Variants in COLGALT2 observed in about 807,000 individuals in gnomAD.
COLGALT2 encodes the protein collagen beta(1-O)galactosyltransferase 2.
Under a neutral mutation model 73.4 loss-of-function variants are expected in COLGALT2, and 49 were observed. The ratio of observed to expected loss-of-function variants is 0.67; its 90% CI spans 0.53 to 0.85. The LOEUF (loss-of-function observed/expected upper bound fraction) is 0.85, where lower values mean the gene tolerates loss of function less well. COLGALT2 is among the 40% of genes least tolerant of loss of function. The pLI, the probability that COLGALT2 is intolerant of heterozygous loss-of-function variation, is 0.00. For missense variants in COLGALT2, 722 were observed against 790.2 expected (o/e 0.91, Z 1.03); for synonymous variants, 295 against 307.6 (o/e 0.96, Z 0.43).
intron 8 of COLGALT2, among the ~76,000 whole-genome samples, chr1:183,950,216 G>A (rs1308563956): frequency 6.6e-6 from 1 of 152,144 alleles, no homozygotes; most frequent in Non-Finnish European, 1.5e-5. Flanking sequence ...GGGACTGAGG[G>A]AGCTGTCCCC....
intron 4 of COLGALT2, 131 bp from the exon 5 acceptor site, chr1:183,969,604 T>G: frequency 1.5e-6 from 1 of 646,068 alleles, no homozygotes; most frequent in Non-Finnish European, 2.5e-6. Flanking sequence ...CCACCTTCAC[T>G]CCTCTTATCA....
intron 1 of COLGALT2, among the ~76,000 whole-genome samples, chr1:184,035,917 C>T (rs1430595205): frequency 6.6e-6 from 1 of 152,222 alleles, no homozygotes; most frequent in East Asian, 1.9e-4. Flanking sequence ...TACTATATCA[C>T]ATGTTTGCTT....
At chr1:183,969,185 T>TTC (rs1324960352) in intron 5 of COLGALT2, 84 bp downstream of exon 5, 38 of 1,242,040 alleles carry the variant, frequency 3.1e-5, no homozygotes, top group Non-Finnish European at 7.7e-6. Context: ...GAGGGTTTTT[T>TTC]TTTTTAATAA....
At chr1:183,961,334 C>G (rs2148673) in intron 6 of COLGALT2, among the ~76,000 whole-genome samples, 6 of 151,874 alleles carry the variant, frequency 4.0e-5, no homozygotes, top group Admixed American at 3.9e-4. Context: ...ATTGATGACA[C>G]GTGCATTTCT....
intron 1 of COLGALT2, among the ~76,000 whole-genome samples, chr1:184,019,044 C>G (rs1385992203): frequency 6.6e-6 from 1 of 152,128 alleles, no homozygotes; most frequent in Admixed American, 6.6e-5. Context: ...TTCTCATGGT[C>G]CCTAAAAATG....
chr1:183,959,808 G>A (rs1317769674), intron 6 of COLGALT2, among the ~76,000 whole-genome samples: 1 of 152,094 alleles, frequency 6.6e-6, no homozygotes, highest in Non-Finnish European at 1.5e-5. Flanking sequence ...GTGTGATCTG[G>A]ACATTTCTTC....
chr1:184,028,266 A>G (rs191803646), intron 1 of COLGALT2, among the ~76,000 whole-genome samples: 1 of 152,278 alleles, frequency 6.6e-6, no homozygotes, highest in Admixed American at 6.5e-5. Context: ...GTCTCTAGAA[A>G]ATTCTACCTT....
At chr1:184,012,153 C>T (rs1004263889) in intron 1 of COLGALT2, among the ~76,000 whole-genome samples, 3 of 152,210 alleles carry the variant, frequency 2.0e-5, no homozygotes, top group Admixed American at 2.0e-4. Context: ...CACAACCCTG[C>T]ATTTCTGCTG....
At chr1:183,994,273 C>T (rs1478875005) in intron 1 of COLGALT2, among the ~76,000 whole-genome samples, 1 of 151,816 alleles carries the variant, frequency 6.6e-6, no homozygotes, top group African/African-American at 2.4e-5. Flanking sequence ...CTCCTGACCT[C>T]GTGATCCACC....
intron 1 of COLGALT2, among the ~76,000 whole-genome samples, chr1:184,024,767 T>C (rs1027155046): frequency 6.6e-6 from 1 of 151,696 alleles, no homozygotes; most frequent in African/African-American, 2.4e-5. Flanking sequence ...TGTTGGATGA[T>C]TGGACCAAGC....
In COLGALT2 at chr1:183,977,841, G is replaced by GAGAGAA. The variant is rs1558322952; in HGVS notation, c.374+568_374+569insTTCTCT. On this transcript the variant is annotated intron_variant, in intron 2 of 11. Coordinates refer to ENST00000361927, the MANE Select transcript of COLGALT2 (RefSeq NM_015101.4). ...GAGAGAGAGAGAGAGAGAGAAAGAA[G>GAGAGAA]AGAAGAGAAGCGAAGAAAAGAAAAG... Among the ~76,000 whole-genome samples the GAGAGAA allele has an allele frequency of 1.4e-3, 193 of 133,946 alleles. 1 individual carries two copies. The highest frequency in any genetic ancestry group is 5.6e-3 in the African/African-American group (186 of 32,970). 87.9% of individuals were successfully genotyped at this position (133,946 alleles called of 152,430 possible).
At chr1:183,950,637 A>C (rs935040867) in intron 8 of COLGALT2, among the ~76,000 whole-genome samples, 6 of 152,080 alleles carry the variant, frequency 3.9e-5, no homozygotes, top group African/African-American at 1.4e-4. Flanking sequence ...TTTTCTTCAG[A>C]TTGACCAAGT....
chr1:184,018,856 C>A, intron 1 of COLGALT2, among the ~76,000 whole-genome samples: 1 of 152,088 alleles, frequency 6.6e-6, no homozygotes, highest in East Asian at 1.9e-4. Context: ...CTGCCAGTAG[C>A]AAGCAGTAAA....
downstream of COLGALT2, among the ~76,000 whole-genome samples, chr1:183,934,743 CG>C (rs1358134396): frequency 2.6e-5 from 4 of 152,100 alleles, no homozygotes; most frequent in Non-Finnish European, 5.9e-5. Context: ...TAGTTACTAG[CG>C]GGAGGGATTT....
At position 184,030,002 on chromosome 1, in the gene COLGALT2, TGAAA is replaced by T. The variant is rs1649457180; in HGVS notation, c.263+7089_263+7092del. ...TGTATAGAAAGTTTCTAGAAAAATATGAAAGAAAGTGTTAATATTGGTCACTGGC... is the reference window on the plus strand; with the variant it reads ...TGTATAGAAAGTTTCTAGAAAAATATGAAAGTGTTAATATTGGTCACTGGC... On this transcript the variant is annotated intron_variant, in intron 1 of 11. Coordinates refer to ENST00000361927, the MANE Select transcript of COLGALT2 (RefSeq NM_015101.4). 2.6e-5 allele frequency among the ~76,000 whole-genome samples: 4 copies of T among 152,332 alleles called. No homozygotes were observed. In the South Asian group the frequency reaches 8.3e-4, roughly 32 times the overall value.
At chr1:184,006,983 A>G (rs1272102648) in intron 1 of COLGALT2, among the ~76,000 whole-genome samples, 1 of 152,234 alleles carries the variant, frequency 6.6e-6, no homozygotes, top group African/African-American at 2.4e-5. Context: ...ACCATTGAAC[A>G]ACTACTATCC....
downstream of COLGALT2, chr1:183,935,815 AG>A: frequency 1.0e-6 from 1 of 975,882 alleles, no homozygotes; most frequent in Non-Finnish European, 1.2e-6. Context: ...TGCCTGCGGA[AG>A]CAATTGACAA....
intron 1 of COLGALT2, among the ~76,000 whole-genome samples, chr1:184,031,104 A>AGGATTGATAAT (rs1649498466): frequency 6.6e-6 from 1 of 152,228 alleles, no homozygotes; most frequent in Admixed American, 6.5e-5. Flanking sequence ...GGTTGCAGGG[A>AGGATTGATAAT]GGATTGATAA....
chr1:184,003,865 C>T (rs537192215), intron 1 of COLGALT2, among the ~76,000 whole-genome samples: 15 of 152,240 alleles, frequency 9.9e-5, no homozygotes, highest in African/African-American at 2.6e-4. Flanking sequence ...ACTAGTAACA[C>T]GACTCTGAAA....
Sources: allele counts gnomAD v4.1 joint callset (sites outside exome capture counted in the v4.1 genomes callset), GRCh38; gene constraint gnomAD v4.1.1; transcripts MANE v1.5; gene names NCBI Gene and HGNC (gene_info 2026-07-23, HGNC 2026-07-21).